The following DPYSL5 variants were observed in gnomAD, a reference collection of about 807,000 sequenced individuals.
The protein encoded by DPYSL5 is dihydropyrimidinase like 5.
In DPYSL5, 9 loss-of-function variants were observed where a neutral mutation model predicts 58.4. The observed-to-expected ratio is 0.15, with a 90% CI of 0.09 to 0.27. DPYSL5 has a LOEUF of 0.27. DPYSL5 is among the 10% of genes least tolerant of loss of function. DPYSL5 has a pLI of 1.00. For synonymous variants in DPYSL5, 293 were observed against 301.9 expected (o/e 0.97, Z 0.31); for missense variants, 499 against 770.6 (o/e 0.65, Z 4.17).
At chr2:26,926,165 G>A (rs926589708) in intron 3 of DPYSL5, among the ~76,000 whole-genome samples, 2 of 152,204 alleles carry the variant, frequency 1.3e-5, no homozygotes, top group Non-Finnish European at 2.9e-5. Flanking sequence ...CTGCCCTCGG[G>A]TCTTAGCCTT....
chr2:26,925,018 C>T lies in DPYSL5; in HGVS notation c.393C>T (p.His131=), dbSNP rs150499587. Residue 131 remains histidine (H), a synonymous_variant, in exon 3 of 13, where the codon CAC becomes CAT. Transcript: ENST00000288699. This position sits in a 1 kb window ranked among gnomAD's most constrained non-coding sequence, Gnocchi z 4.5. The part of the protein sequence containing the change: ...DPKVCCDYAL[H]VGITWWAPKV... ...AGGTCTGCTGTGATTACGCCCTCCA[C>T]GTGGGGATCACCTGGTGGGCACCCA... is the stretch of plus-strand genomic sequence containing the variant. The T allele has an allele frequency of 5.6e-5, 91 of 1,614,002 alleles. 1 individual carries two copies. Among genetic ancestry groups the T allele is most frequent in the Admixed American group, 8.3e-5 (5 of 60,006 alleles).
intron 11 of DPYSL5, among the ~76,000 whole-genome samples, chr2:26,943,078 G>T (rs551873448): frequency 6.6e-6 from 1 of 151,882 alleles, no homozygotes; most frequent in African/African-American, 2.4e-5. Context: ...GGTGGAGGAG[G>T]TGCTGGGGGC....
rs200568891 is a variant in DPYSL5, at chr2:26,941,999, A to T, written c.1139A>T (p.Asn380Ile). 1.2e-6 allele frequency: 2 copies of T among 1,614,192 alleles called. No individual in the cohort carries two copies. The highest frequency in any genetic ancestry group is 1.7e-6 in the Non-Finnish European group (2 of 1,180,042). Residue 380 changes from asparagine to isoleucine, a missense_variant, in exon 10 of 13, where the codon AAC (asparagine) becomes ATC (isoleucine). Transcript: ENST00000288699. Reference protein sequence around the residue: ...ENRFVAVTSSNAAKLLNLYPR... With the variant: ...ENRFVAVTSSIAAKLLNLYPR... Reference sequence around the variant, plus strand: ...CGTTTTGTGGCCGTTACCAGTTCCAACGCAGCTAAGCTTCTGAACCTGTAT... The same window carrying T: ...CGTTTTGTGGCCGTTACCAGTTCCATCGCAGCTAAGCTTCTGAACCTGTAT...
At chr2:26,861,163 A>G (rs995496617) in intron 1 of DPYSL5, among the ~76,000 whole-genome samples, 4 of 152,190 alleles carry the variant, frequency 2.6e-5, no homozygotes, top group Non-Finnish European at 5.9e-5. Context: ...AGGCTTACTG[A>G]ACAGACAGAC....
At chr2:26,903,530 G>A (rs544681947) in intron 2 of DPYSL5, among the ~76,000 whole-genome samples, 1 of 152,238 alleles carries the variant, frequency 6.6e-6, no homozygotes, top group Non-Finnish European at 1.5e-5. Context: ...CTCTAGGTCT[G>A]TGTCCTCCCC....
intron 1 of DPYSL5, among the ~76,000 whole-genome samples, chr2:26,870,480 A>AT (rs1663231473): frequency 6.6e-6 from 1 of 152,130 alleles, no homozygotes; most frequent in Non-Finnish European, 1.5e-5. Context: ...TTTTGTATCT[A>AT]TGTTCATGAG....
chr2:26,863,191 CT>C (rs1350499297), intron 1 of DPYSL5, among the ~76,000 whole-genome samples: 2 of 152,194 alleles, frequency 1.3e-5, no homozygotes, highest in Non-Finnish European at 2.9e-5. Flanking sequence ...TGCATTGCCC[CT>C]GGCCCACCCC....
intron 2 of DPYSL5, among the ~76,000 whole-genome samples, chr2:26,914,419 G>T (rs1221225603): frequency 6.6e-6 from 1 of 152,160 alleles, no homozygotes; most frequent in Non-Finnish European, 1.5e-5. Flanking sequence ...ATCTTTCCCT[G>T]GGGGGTCCTC....
rs1229783597 is a variant in DPYSL5 at position 26,924,896 on chromosome 2, G to A, written c.271G>A (p.Val91Ile). Residue 91 changes from valine to isoleucine, a missense_variant, in exon 3 of 13, where the codon GTC becomes ATC. Val to Ile is a conservative substitution (Grantham distance 29). This residue lies in a region of DPYSL5 where 404 missense variants were observed against 647.6 expected (regional missense o/e 0.62). Coordinates refer to ENST00000288699, the MANE Select transcript of DPYSL5 (RefSeq NM_020134.4). The surrounding 1 kb of genome is among the most constrained non-coding windows in gnomAD (Gnocchi z 4.7). ...TTTCCCGTCTTCCCAGGCAGCACTC[G>A]TCGGAGGCACCACCATGATCATCGG... Reference protein sequence around the residue: ...DFYHGTKAALVGGTTMIIGHV... With the variant: ...DFYHGTKAALIGGTTMIIGHV... 6.2e-6 allele frequency: 10 copies of A among 1,613,708 alleles called. No individual in the cohort carries two copies. Among genetic ancestry groups the A allele is most frequent in the Middle Eastern group, 1.6e-4 (1 of 6,082 alleles).
At chr2:26,851,939 T>G (rs1025664528) in intron 1 of DPYSL5, among the ~76,000 whole-genome samples, 1 of 150,922 alleles carries the variant, frequency 6.6e-6, no homozygotes, top group Non-Finnish European at 1.5e-5. Context: ...AGAGTGAGAC[T>G]CTATCTCAAA....
Position 26,941,997 on chromosome 2 carries a change from C to A in DPYSL5, c.1137C>A (p.Ser379=). 1 of 1,614,166 alleles carries A rather than the reference C, an allele frequency of 6.2e-7. No homozygotes were observed. Among genetic ancestry groups the A allele is most frequent in the Non-Finnish European group, 8.5e-7 (1 of 1,180,040 alleles). Residue 379 remains serine, a synonymous_variant, in exon 10 of 13, where the codon TCC becomes TCA. Transcript: ENST00000288699. ...ACCGTTTTGTGGCCGTTACCAGTTC[C>A]AACGCAGCTAAGCTTCTGAACCTGT... is the stretch of plus-strand genomic sequence containing the variant. ...DENRFVAVTS[S]NAAKLLNLYP... is the part of the protein sequence containing the mutation.
chr2:26,854,106 C>G (rs1665820763), intron 1 of DPYSL5, among the ~76,000 whole-genome samples: 2 of 152,048 alleles, frequency 1.3e-5, no homozygotes, highest in Admixed American at 1.3e-4. Context: ...ACCTTCACAG[C>G]AACATTTAGA....
chr2:26,919,720 A>G (rs1664657828), intron 2 of DPYSL5, among the ~76,000 whole-genome samples: 1 of 152,206 alleles, frequency 6.6e-6, no homozygotes, highest in Non-Finnish European at 1.5e-5. Flanking sequence ...CGGCTGTTCC[A>G]TGATCAGGTC....
At chr2:26,893,686 C>T (rs900430419) in intron 1 of DPYSL5, among the ~76,000 whole-genome samples, 4 of 151,868 alleles carry the variant, frequency 2.6e-5, no homozygotes, top group African/African-American at 9.7e-5. Flanking sequence ...GGGGAGCGGG[C>T]GGAGACAAAG....
At chr2:26,869,943 G>A (rs563675177) in intron 1 of DPYSL5, among the ~76,000 whole-genome samples, 125 of 152,256 alleles carry the variant, frequency 8.2e-4, no homozygotes, top group South Asian at 1.7e-3. Context: ...CCTGGGAGGC[G>A]GAGGTTGCAG....
chr2:26,934,242 C>A lies in DPYSL5; in HGVS notation c.791-336C>A, dbSNP rs1411720880. On this transcript the variant is annotated intron_variant, in intron 7 of 12. Transcript: ENST00000288699. This position sits in a 1 kb window ranked among gnomAD's most constrained non-coding sequence, Gnocchi z 4.3. The stretch of plus-strand genomic sequence containing the variant: ...GCTCTTTAGCGTGGCATTCGTGGCC[C>A]TGCATGCCTGTTCACCCACCGTCAA... Among the ~76,000 whole-genome samples the A allele has an allele frequency of 2.0e-5, 3 of 152,194 alleles. No homozygotes were observed. The highest frequency in any genetic ancestry group is 7.2e-5 in the African/African-American group (3 of 41,442).
intron 2 of DPYSL5, among the ~76,000 whole-genome samples, chr2:26,909,442 A>T (rs1330165971): frequency 6.6e-6 from 1 of 152,140 alleles, no homozygotes; most frequent in Admixed American, 6.6e-5. Context: ...GATCCACAGT[A>T]TTCTCAATTA....
intron 2 of DPYSL5, among the ~76,000 whole-genome samples, chr2:26,916,523 T>C (rs764525729): frequency 6.6e-5 from 10 of 152,210 alleles, no homozygotes; most frequent in Non-Finnish European, 1.0e-4. Flanking sequence ...ACTTTGCCGA[T>C]GTGATGGAAT....
chr2:26,934,575 C>T lies in DPYSL5; in HGVS notation c.791-3C>T, dbSNP rs749102393. The T allele has an allele frequency of 6.2e-7, 1 of 1,611,686 alleles. No individual in the cohort carries two copies. Among genetic ancestry groups the T allele is most frequent in the East Asian group, 2.2e-5 (1 of 44,870 alleles). ...GTTATGGTTCTGACCTTTCTTCTTC[C>T]AGGGAAGGTTGTGCTGGCGGAGACC... is the stretch of plus-strand genomic sequence containing the variant. On this transcript the variant is annotated splice_polypyrimidine_tract_variant and splice_region_variant and intron_variant, in intron 7 of 12. Transcript: ENST00000288699. The surrounding 1 kb of genome is among the most constrained non-coding windows in gnomAD (Gnocchi z 4.3).
Sources: gnomAD v4.1 joint callset for allele counts (sites outside exome capture counted in the v4.1 genomes callset) on GRCh38, gnomAD v4.1.1 for gene constraint, gnomAD v4.1.1 regional missense constraint, Gnocchi (gnomAD v3.1) non-coding constraint, MANE v1.5 for transcripts, NCBI Gene and HGNC (gene_info 2026-07-23, HGNC 2026-07-21) for gene names.